Variants in RNF146 observed in about 807,000 individuals in gnomAD.
RNF146 encodes E3 ubiquitin-protein ligase RNF146.
Under a neutral mutation model 29.7 loss-of-function variants are expected in RNF146, and 11 were observed. That is an observed-to-expected ratio of 0.37 (90% CI 0.23 to 0.61). The LOEUF is 0.61. Among genes scored for constraint, RNF146 ranks in the 20% least tolerant of loss-of-function variants. The probability of loss-of-function intolerance (pLI) is 0.66; values close to 1 mark genes in which losing one functional copy is unlikely to be tolerated. For synonymous variants in RNF146, 150 were observed against 159.7 expected, an observed-to-expected ratio of 0.94 and a Z score of 0.46; for missense variants, 342 against 438.9, an observed-to-expected ratio of 0.78 and a Z score of 1.97.
At chr6:127,275,365 T>G (rs528171513) in intron 1 of RNF146, among the ~76,000 whole-genome samples, 1 of 152,292 alleles carries the variant, frequency 6.6e-6, no homozygotes, top group African/African-American at 2.4e-5. Context: ...GATATTTTTA[T>G]GTATCTTACA....
chr6:127,286,505 T>C lies in RNF146; in HGVS notation c.3-111T>C. 2.0e-6 allele frequency: 2 copies of C among 998,292 alleles called. No individual in the cohort carries two copies. The highest frequency in any genetic ancestry group is 2.9e-6 in the Non-Finnish European group (2 of 690,922). 61.8% of individuals were successfully genotyped at this position (998,292 alleles called of 1,614,324 possible). A position where few individuals can be genotyped will look rare whatever the true frequency, so the allele number is the denominator to read the frequency against. On this transcript the variant is annotated intron_variant, in intron 2 of 2. Transcript: ENST00000368314. The surrounding 1 kb of genome is among the most constrained non-coding windows in gnomAD (Gnocchi z 4.6). ...ATCTTCATATCCCCATTGTCTAGTA[T>C]GTGGCTTGCATATAATGCACATCAT...
chr6:127,283,808 A>G (rs1266178090), intron 2 of RNF146, among the ~76,000 whole-genome samples: 1 of 151,818 alleles, frequency 6.6e-6, no homozygotes, highest in African/African-American at 2.4e-5. Flanking sequence ...TTCAGATGAA[A>G]TAATGACCAT....
intron 1 of RNF146, among the ~76,000 whole-genome samples, chr6:127,278,722 A>G (rs2114473949): frequency 6.6e-6 from 1 of 152,100 alleles, no homozygotes; most frequent in Admixed American, 6.6e-5. Flanking sequence ...TGAGGAAGCA[A>G]CAAATTATTA....
intron 2 of RNF146, among the ~76,000 whole-genome samples, chr6:127,285,529 CTT>C (rs10669927): frequency 1.2e-4 from 16 of 129,964 alleles, no homozygotes; most frequent in Admixed American, 2.3e-4. Context: ...TTTAAAATGT[CTT>C]TTTTTTTTTT....
intron 1 of RNF146, among the ~76,000 whole-genome samples, chr6:127,270,614 A>C (rs1335997518): frequency 2.0e-5 from 3 of 152,102 alleles, no homozygotes; most frequent in Non-Finnish European, 4.4e-5. Context: ...TGTATGCCCT[A>C]TTTTGTGCCC....
At chr6:127,277,150 G>C (rs1486170603) in intron 1 of RNF146, among the ~76,000 whole-genome samples, 1 of 152,084 alleles carries the variant, frequency 6.6e-6, no homozygotes, top group Non-Finnish European at 1.5e-5. Context: ...TGAGAGAGCA[G>C]TTTTAGGGGA....
chr6:127,272,895 A>G (rs1343128501), intron 1 of RNF146, among the ~76,000 whole-genome samples: 1 of 152,232 alleles, frequency 6.6e-6, no homozygotes, highest in African/African-American at 2.4e-5. Context: ...TCTTACAATA[A>G]GCTAAAGGAA....
At chr6:127,285,852 G>A (rs1166209333) in intron 2 of RNF146, among the ~76,000 whole-genome samples, 1 of 151,876 alleles carries the variant, frequency 6.6e-6, no homozygotes, top group Non-Finnish European at 1.5e-5. Flanking sequence ...TTATCTGCAT[G>A]TATGTTTCCT....
Position 127,286,648 on chromosome 6 carries a change from T to C in RNF146, c.35T>C (p.Ile12Thr). The change falls in exon 3 of 3, where the codon ATA becomes ACA. Residue 12 changes from isoleucine (I) to threonine (T), a missense_variant. Physicochemically the swap from Ile to Thr is moderately conservative, Grantham distance 89. Coordinates refer to ENST00000368314, the MANE Select transcript of RNF146 (RefSeq NM_001242850.2). This position sits in a 1 kb window ranked among gnomAD's most constrained non-coding sequence, Gnocchi z 4.6. ...MAGCGEIDHSINMLPTNRKAN... is the reference protein window; with the variant it reads ...MAGCGEIDHSTNMLPTNRKAN... ...GGCTGTGGTGAAATTGATCATTCAA[T>C]AAACATGCTTCCTACAAACAGGAAA... The C allele has an allele frequency of 6.2e-7, 1 of 1,612,042 alleles. No individual in the cohort carries two copies. Among genetic ancestry groups the C allele is most frequent in the Middle Eastern group, 1.7e-4 (1 of 6,044 alleles).
rs775799333 is a variant in RNF146 at position 127,287,732 on chromosome 6, G to A, written c.*39G>A. The A allele has an allele frequency of 7.7e-7, 1 of 1,305,938 alleles. No individual in the cohort carries two copies. The highest frequency in any genetic ancestry group is 1.4e-5 in the South Asian group (1 of 71,714). The allele number at this position is 1,305,938 out of a possible 1,614,324, so 80.9% of individuals were successfully genotyped here. On this transcript the variant is annotated 3_prime_UTR_variant, in exon 3 of 3. Coordinates refer to ENST00000368314, the MANE Select transcript of RNF146 (RefSeq NM_001242850.2). ...CAGCTCCATGCTCAAGGTTGAAAGG[G>A]TTACCTGTAAATTTCTGCCCACATA...
At chr6:127,283,635 T>C (rs185548315) in intron 2 of RNF146, among the ~76,000 whole-genome samples, 1 of 151,960 alleles carries the variant, frequency 6.6e-6, no homozygotes, top group African/African-American at 2.4e-5. Context: ...ACACATTTTA[T>C]CTCTATCTTA....
Position 127,285,266 on chromosome 6 carries a change from TA to T in RNF146, c.3-1345del, listed in dbSNP as rs948242340. ...GGAACCAAGAACACAGAAAAGGCAGTAAAAAGAAAAAAAAGGATTGTTTGAA... is the reference window on the plus strand; with the variant it reads ...GGAACCAAGAACACAGAAAAGGCAGTAAAAGAAAAAAAAGGATTGTTTGAA... On this transcript the variant is annotated intron_variant, in intron 2 of 2. Coordinates refer to ENST00000368314, the MANE Select transcript of RNF146 (RefSeq NM_001242850.2). The T allele has an allele frequency of 5.1e-6, 5 of 984,704 alleles. No individual in the cohort carries two copies. The African/African-American group carries it at 8.7e-5, about 17-fold the overall frequency. The allele number at this position is 984,704 out of a possible 1,614,324, so 61.0% of individuals were successfully genotyped here.
chr6:127,273,596 A>C (rs1777786745), intron 1 of RNF146, among the ~76,000 whole-genome samples: 1 of 152,130 alleles, frequency 6.6e-6, no homozygotes, highest in African/African-American at 2.4e-5. Context: ...AAAAAACTGT[A>C]TGTATATAAG....
chr6:127,286,423 T>G lies in RNF146; in HGVS notation c.3-193T>G. ...AATTTTTATACATTCCCAAGGTATG[T>G]ACAAGTAGATGCTTACAAAAAATTT... On this transcript the variant is annotated intron_variant, in intron 2 of 2. Transcript: ENST00000368314. The surrounding 1 kb of genome is among the most constrained non-coding windows in gnomAD (Gnocchi z 4.6). 1.5e-6 allele frequency: 1 copy of G among 687,186 alleles called. No homozygotes were observed. The highest frequency in any genetic ancestry group is 2.4e-6 in the Non-Finnish European group (1 of 424,968). The allele number at this position is 687,186 out of a possible 1,614,324, so 42.6% of individuals were successfully genotyped here.
chr6:127,272,939 A>G (rs981900225), intron 1 of RNF146, among the ~76,000 whole-genome samples: 1 of 152,246 alleles, frequency 6.6e-6, no homozygotes, highest in Admixed American at 6.5e-5. Flanking sequence ...ATACATTTAC[A>G]GTACTGCATT....
Position 127,286,440 on chromosome 6 carries a change from A to G in RNF146, c.3-176A>G. ...AAGGTATGTACAAGTAGATGCTTACAAAAAATTTTCATCGGTTGGAGAGTT... is the reference window on the plus strand; with the variant it reads ...AAGGTATGTACAAGTAGATGCTTACGAAAAATTTTCATCGGTTGGAGAGTT... On this transcript the variant is annotated intron_variant, in intron 2 of 2. Coordinates refer to ENST00000368314, the MANE Select transcript of RNF146 (RefSeq NM_001242850.2). This position sits in a 1 kb window ranked among gnomAD's most constrained non-coding sequence, Gnocchi z 4.6. The G allele has an allele frequency of 1.3e-6, 1 of 745,820 alleles. No individual in the cohort carries two copies. Among genetic ancestry groups the G allele is most frequent in the Non-Finnish European group, 2.1e-6 (1 of 477,812 alleles). 46.2% of individuals were successfully genotyped at this position (745,820 alleles called of 1,614,324 possible). A position where few individuals can be genotyped will look rare whatever the true frequency, so the allele number is the denominator to read the frequency against.
Position 127,287,733 on chromosome 6 carries a change from T to C in RNF146, c.*40T>C. On this transcript the variant is annotated 3_prime_UTR_variant, in exon 3 of 3. Transcript: ENST00000368314. ...AGCTCCATGCTCAAGGTTGAAAGGG[T>C]TACCTGTAAATTTCTGCCCACATAA... 2 of 1,303,332 alleles carry C rather than the reference T, an allele frequency of 1.5e-6. No individual in the cohort carries two copies. The highest frequency in any genetic ancestry group is 3.8e-4 in the Middle Eastern group (2 of 5,214). 80.7% of individuals were successfully genotyped at this position (1,303,332 alleles called of 1,614,324 possible). A position where few individuals can be genotyped will look rare whatever the true frequency, so the allele number is the denominator to read the frequency against.
In RNF146 at chr6:127,266,915, T is replaced by C. The variant is rs1332774288; in HGVS notation, c.-119T>C. 1 of 150,394 alleles carries C rather than the reference T, an allele frequency of 6.6e-6. No individual in the cohort carries two copies. The highest frequency in any genetic ancestry group is 1.5e-5 in the Non-Finnish European group (1 of 67,666). The allele number at this position is 150,394 out of a possible 1,614,324, so 9.3% of individuals were successfully genotyped here. A position where few individuals can be genotyped will look rare whatever the true frequency, so the allele number is the denominator to read the frequency against. ...AAAGACTGCGAGGTGGCCGCAGCTG[T>C]GGCCGGAGAGGTGGGAGTCGGAGCG... On this transcript the variant is annotated 5_prime_UTR_variant, in exon 1 of 3. Transcript: ENST00000368314.
chr6:127,287,582 CGATCGATCA>C lies in RNF146; in HGVS notation c.978_986del (p.Asp327_Ser329del), dbSNP rs753047902. ...TTTCTAATGCAAACCAGACAGTACCCGATCGATCAGATCGATCGGGAACTGATCGATCAG... is the reference window on the plus strand; with the variant it reads ...TTTCTAATGCAAACCAGACAGTACCCGATCGATCGGGAACTGATCGATCAG... On this transcript the variant is annotated inframe_deletion, in exon 3 of 3. Coordinates refer to ENST00000368314, the MANE Select transcript of RNF146 (RefSeq NM_001242850.2). 23 of 1,612,734 alleles carry C rather than the reference CGATCGATCA, an allele frequency of 1.4e-5. No individual in the cohort carries two copies. In the South Asian group the frequency reaches 1.5e-4, roughly 11 times the overall value.
Sources: gnomAD v4.1 joint callset for allele counts (sites outside exome capture counted in the v4.1 genomes callset) on GRCh38, gnomAD v4.1.1 for gene constraint, Gnocchi (gnomAD v3.1) non-coding constraint, MANE v1.5 for transcripts, NCBI Gene and HGNC (gene_info 2026-07-23, HGNC 2026-07-21) for gene names.